TMEM165: variants seen among roughly 807,000 people sequenced by gnomAD.
The protein encoded by TMEM165 is putative divalent cation/proton antiporter TMEM165.
A neutral mutation model predicts 30.0 loss-of-function variants in TMEM165; 19 were observed. The observed-to-expected ratio is 0.63, with a 90% CI of 0.44 to 0.93. The LOEUF (loss-of-function observed/expected upper bound fraction) is 0.93. Ranked by LOEUF, TMEM165 falls within the 40% of genes least tolerant of loss-of-function variation. The pLI, the probability that TMEM165 is intolerant of heterozygous loss-of-function variation, is 0.00. For missense variants in TMEM165, 340 were observed against 417.0 expected, an observed-to-expected ratio of 0.82 and a Z score of 1.61; for synonymous variants, 168 against 162.9, an observed-to-expected ratio of 1.03 and a Z score of -0.24.
intron 3 of TMEM165, among the ~76,000 whole-genome samples, chr4:55,448,137 C>G (rs1724035330): frequency 6.6e-6 from 1 of 152,218 alleles, no homozygotes; most frequent in Admixed American, 6.5e-5. Flanking sequence ...TACATACTTT[C>G]AGCACAGGCA....
chr4:55,400,384 T>G, intron 1 of TMEM165, among the ~76,000 whole-genome samples: 1 of 121,418 alleles, frequency 8.2e-6, no homozygotes, highest in East Asian at 2.2e-4. Flanking sequence ...AATATAATAA[T>G]AATAAATAAT....
At position 55,425,563 on chromosome 4, in the gene TMEM165, A is replaced by G. The variant is rs1311099010; in HGVS notation, c.*111A>G. 1.2e-6 allele frequency: 1 copy of G among 826,170 alleles called. No homozygotes were observed. The highest frequency in any genetic ancestry group is 1.9e-6 in the Non-Finnish European group (1 of 524,340). 51.2% of individuals were successfully genotyped at this position (826,170 alleles called of 1,614,324 possible). ...AAAAATACTGTATTTTGTAGCACTGATTTTGTGAGTTTGACCCATTATTAT... is the reference window on the plus strand; with the variant it reads ...AAAAATACTGTATTTTGTAGCACTGGTTTTGTGAGTTTGACCCATTATTAT... On this transcript the variant is annotated 3_prime_UTR_variant, in exon 6 of 6. Coordinates refer to ENST00000381334, the MANE Select transcript of TMEM165 (RefSeq NM_018475.5).
chr4:55,408,413 T>C (rs974181652), intron 1 of TMEM165, among the ~76,000 whole-genome samples: 1 of 152,264 alleles, frequency 6.6e-6, no homozygotes, highest in Non-Finnish European at 1.5e-5. Flanking sequence ...GCTATACACC[T>C]AGGCTAAATG....
At chr4:55,435,170 T>C (rs1722782652) in intron 3 of TMEM165, 3 of 524,882 alleles carry the variant, frequency 5.7e-6, no homozygotes, top group African/African-American at 1.9e-5. Flanking sequence ...TCAAAAAATA[T>C]CCAGGCACCT....
intron 3 of TMEM165, among the ~76,000 whole-genome samples, chr4:55,451,011 T>C (rs1159897391): frequency 2.6e-5 from 4 of 151,616 alleles, no homozygotes; most frequent in Admixed American, 6.6e-5. Flanking sequence ...CTCATCAGTA[T>C]ACAAACATGC....
At chr4:55,407,377 T>G (rs1721312476) in intron 1 of TMEM165, among the ~76,000 whole-genome samples, 1 of 152,138 alleles carries the variant, frequency 6.6e-6, no homozygotes, top group Non-Finnish European at 1.5e-5. Flanking sequence ...AGAGTTGAGG[T>G]GTGCGGTGAG....
chr4:55,407,965 G>T (rs2048564), intron 1 of TMEM165, among the ~76,000 whole-genome samples: 1 of 151,882 alleles, frequency 6.6e-6, no homozygotes, highest in Non-Finnish European at 1.5e-5. Flanking sequence ...AGGTCACGCC[G>T]TAACTGATAA....
intron 3 of TMEM165, among the ~76,000 whole-genome samples, chr4:55,448,533 T>C (rs1553891140): frequency 6.6e-6 from 1 of 151,912 alleles, no homozygotes. Flanking sequence ...CCAGATATCC[T>C]AAATGACCCC....
chr4:55,449,350 C>T, intron 3 of TMEM165: 1 of 1,490,824 alleles, frequency 6.7e-7, no homozygotes, highest in Non-Finnish European at 9.4e-7. Flanking sequence ...CATTTTTCCC[C>T]TCTTAATAAA....
At chr4:55,441,540 C>T (rs1437364459) in intron 3 of TMEM165, among the ~76,000 whole-genome samples, 1 of 152,162 alleles carries the variant, frequency 6.6e-6, no homozygotes, top group Admixed American at 6.5e-5. Context: ...CCATGGCCTA[C>T]TACTCAGCCA....
intron 1 of TMEM165, among the ~76,000 whole-genome samples, chr4:55,401,361 C>G (rs925001204): frequency 8.0e-5 from 12 of 150,842 alleles, no homozygotes; most frequent in Middle Eastern, 3.4e-3. Context: ...TTTTCTTACT[C>G]TTTCCCTGGA....
At chr4:55,420,121 ACATATATATTTATTTATTTATTTATTT>A (rs1197176145) in intron 4 of TMEM165, among the ~76,000 whole-genome samples, 5 of 44,644 alleles carry the variant, frequency 1.1e-4, no homozygotes, top group South Asian at 6.2e-3. Context: ...ATATATATAT[ACATATATATTTATTTATTTATTTATTT>A]TATTTATTTA....
At chr4:55,451,987 AC>A (rs778206617) in intron 3 of TMEM165, among the ~76,000 whole-genome samples, 2 of 152,064 alleles carry the variant, frequency 1.3e-5, no homozygotes, top group Non-Finnish European at 2.9e-5. Context: ...TGCCTATTTA[AC>A]TCAAGTTTTA....
intron 1 of TMEM165, among the ~76,000 whole-genome samples, chr4:55,399,436 A>T (rs1720862603): frequency 6.6e-6 from 1 of 152,180 alleles, no homozygotes; most frequent in Non-Finnish European, 1.5e-5. Context: ...CTTAGTGTTC[A>T]TCTTTTAGCC....
downstream of TMEM165, chr4:55,428,818 A>C (rs754922250): frequency 6.0e-5 from 9 of 151,230 alleles, no homozygotes; most frequent in Non-Finnish European, 1.2e-4. Context: ...GACTGGTTTC[A>C]ATACAGCACT....
intron 3 of TMEM165, chr4:55,449,554 T>G: frequency 2.2e-6 from 3 of 1,391,050 alleles, no homozygotes. Context: ...TTTTTAAAGA[T>G]TAATCTCAAA....
intron 1 of TMEM165, among the ~76,000 whole-genome samples, chr4:55,405,547 T>G (rs1389569369): frequency 6.6e-6 from 1 of 152,232 alleles, no homozygotes; most frequent in Admixed American, 6.5e-5. Flanking sequence ...CCGACATACC[T>G]TTTAAGAGTA....
intron 3 of TMEM165, chr4:55,431,754 C>T (rs1033370491): frequency 6.6e-6 from 1 of 152,208 alleles, no homozygotes; most frequent in Admixed American, 6.5e-5. Context: ...ATTTGCATTC[C>T]ACTTTTAAAA....
intron 3 of TMEM165, chr4:55,435,729 G>T: frequency 1.1e-6 from 1 of 900,858 alleles, no homozygotes; most frequent in Non-Finnish European, 1.8e-6. Flanking sequence ...TTCACTCTCT[G>T]GTTTAAAAAT....
Sources: allele counts gnomAD v4.1 joint callset (sites outside exome capture counted in the v4.1 genomes callset), GRCh38; gene constraint gnomAD v4.1.1; transcripts MANE v1.5; gene names NCBI Gene and HGNC (gene_info 2026-07-23, HGNC 2026-07-21).